DIS3L2: variants seen among roughly 807,000 people sequenced by gnomAD.
The protein encoded by DIS3L2 is DIS3-like exonuclease 2.
In DIS3L2, 34 loss-of-function variants were observed where a neutral mutation model predicts 97.5. That is an observed-to-expected ratio of 0.35 (90% CI 0.27 to 0.46). The LOEUF (loss-of-function observed/expected upper bound fraction) is 0.46, where lower values mean the gene tolerates loss of function less well. Among genes scored for constraint, DIS3L2 ranks in the 20% least tolerant of loss-of-function variants. The pLI, the probability that DIS3L2 is intolerant of heterozygous loss-of-function variation, is 1.00. For synonymous variants in DIS3L2, 435 were observed against 445.2 expected, an observed-to-expected ratio of 0.98 and a Z score of 0.29; for missense variants, 1,038 against 1,146.0, an observed-to-expected ratio of 0.91 and a Z score of 1.36.
intron 7 of DIS3L2, chr2:232,131,811 T>C (rs2106351111): frequency 6.6e-6 from 1 of 152,128 alleles, no homozygotes; most frequent in South Asian, 2.1e-4. Flanking sequence ...ATTTGAGTAC[T>C]AACTGTGCTC....
intron 12 of DIS3L2, among the ~76,000 whole-genome samples, chr2:232,261,644 C>T (rs182246313): frequency 6.6e-6 from 1 of 152,332 alleles, no homozygotes; most frequent in Admixed American, 6.5e-5. Context: ...TGCCTTAAAC[C>T]TTTGCAGTGT....
chr2:232,321,784 A>G (rs1695444035), intron 14 of DIS3L2, among the ~76,000 whole-genome samples: 1 of 152,142 alleles, frequency 6.6e-6, no homozygotes, highest in African/African-American at 2.4e-5. Flanking sequence ...GAGGCAAACA[A>G]GAGGCCCCCC....
chr2:232,089,036 A>G (rs1696753352), intron 6 of DIS3L2, among the ~76,000 whole-genome samples: 2 of 152,308 alleles, frequency 1.3e-5, no homozygotes, highest in South Asian at 4.2e-4. Flanking sequence ...TCAGCAGACA[A>G]CTCGTTTAGG....
At chr2:232,215,832 CCTGCTACTGGGAA>C (rs1350880018) in intron 10 of DIS3L2, among the ~76,000 whole-genome samples, 6 of 152,152 alleles carry the variant, frequency 3.9e-5, no homozygotes, top group Non-Finnish European at 7.4e-5. Context: ...AGTCACTGGA[CCTGCTACTGGGAA>C]GAAACGGGAC....
intron 5 of DIS3L2, among the ~76,000 whole-genome samples, chr2:232,061,365 C>T (rs1367991761): frequency 6.6e-6 from 1 of 152,198 alleles, no homozygotes; most frequent in African/African-American, 2.4e-5. Flanking sequence ...AGACATGTTT[C>T]TTGCGTGATT....
chr2:232,034,200 G>A (rs556306777), intron 5 of DIS3L2, among the ~76,000 whole-genome samples: 96 of 152,146 alleles, frequency 6.3e-4, no homozygotes, highest in Middle Eastern at 6.8e-3. Flanking sequence ...AGTCTTGGGA[G>A]GGTGTTTGGG....
In DIS3L2 at chr2:231,967,121, A is replaced by G. The variant is rs566629888; in HGVS notation, c.-94+5356A>G. ...GTAGGAAGGGACTTCATGTGGTGCA[A>G]AGTACCTTGAAATTATCTCTGATGA... is the stretch of plus-strand genomic sequence containing the variant. On this transcript the variant is annotated intron_variant, in intron 1 of 20. Transcript: ENST00000325385. Among the ~76,000 whole-genome samples the G allele has an allele frequency of 2.7e-4, 41 of 152,226 alleles. 1 individual carries two copies. The highest frequency in any genetic ancestry group is 9.6e-4 in the African/African-American group (40 of 41,530).
In DIS3L2 at chr2:232,024,330, G is replaced by A. The variant is rs887424420; in HGVS notation, c.264G>A (p.Pro88=). Residue 88 remains proline (P), a splice_region_variant and synonymous_variant, in exon 4 of 21, where the codon CCG becomes CCA. Transcript: ENST00000325385. The stretch of plus-strand genomic sequence containing the variant: ...TTCATGAAGCCTTCATTCCTTCCCC[G>A]GTAAGTTCAATAAATTTATAATAAA... ...KKFHEAFIPS[P]DGDRDIFIDG... is the part of the protein sequence containing the mutation. 3.1e-6 allele frequency: 5 copies of A among 1,595,542 alleles called. No individual in the cohort carries two copies. Among genetic ancestry groups the A allele is most frequent in the African/African-American group, 2.7e-5 (2 of 73,944 alleles).
chr2:231,962,144 C>G (rs139218741), intron 1 of DIS3L2, among the ~76,000 whole-genome samples: 7 of 152,076 alleles, frequency 4.6e-5, no homozygotes, highest in Admixed American at 6.5e-5. Context: ...GGGTCTTGAT[C>G]GAGATGTTCA....
Position 232,336,600 on chromosome 2 carries a change from C to T in DIS3L2, c.2628C>T (p.Asp876=), listed in dbSNP as rs760111036. ...LGPEKEEEES[D]GEPEDSSTS is the part of the protein sequence containing the mutation. ...CTGAGAAGGAGGAGGAGGAGTCTGA[C>T]GGTGAGCCCGAGGACTCAAGCACCA... The change falls in exon 21 of 21, where the codon GAC becomes GAT. Residue 876 remains aspartate (D), a synonymous_variant. Coordinates refer to ENST00000325385, the MANE Select transcript of DIS3L2 (RefSeq NM_152383.5). The T allele has an allele frequency of 1.5e-5, 24 of 1,607,116 alleles. No individual in the cohort carries two copies. Among genetic ancestry groups the T allele is most frequent in the East Asian group, 2.2e-5 (1 of 44,836 alleles).
intron 10 of DIS3L2, among the ~76,000 whole-genome samples, chr2:232,228,510 T>C (rs1457825376): frequency 6.6e-6 from 1 of 152,248 alleles, no homozygotes; most frequent in Non-Finnish European, 1.5e-5. Flanking sequence ...AAAATAGTTG[T>C]TTCCTGTTCA....
At chr2:232,148,978 A>G (rs571282988) in intron 8 of DIS3L2, among the ~76,000 whole-genome samples, 59 of 148,512 alleles carry the variant, frequency 4.0e-4, no homozygotes, top group African/African-American at 1.4e-3. Context: ...GACACTTAAA[A>G]TAAAACTTCT....
At chr2:232,009,894 C>T (rs1694149031) in intron 1 of DIS3L2, among the ~76,000 whole-genome samples, 1 of 152,142 alleles carries the variant, frequency 6.6e-6, no homozygotes, top group African/African-American at 2.4e-5. Context: ...ATTGGCTTTC[C>T]CTCCTTTTTT....
At chr2:232,169,544 G>A (rs1690923770) in intron 9 of DIS3L2, among the ~76,000 whole-genome samples, 3 of 152,114 alleles carry the variant, frequency 2.0e-5, no homozygotes, top group South Asian at 4.1e-4. Flanking sequence ...AAATGAGCAG[G>A]TATAGAGGGA....
intron 9 of DIS3L2, among the ~76,000 whole-genome samples, chr2:232,202,361 G>A (rs1426808265): frequency 6.6e-6 from 1 of 152,132 alleles, no homozygotes; most frequent in Non-Finnish European, 1.5e-5. Flanking sequence ...TTGCGCCACT[G>A]CACTCCAGCC....
At chr2:232,081,501 T>TCTTA (rs1364066125) in intron 5 of DIS3L2, among the ~76,000 whole-genome samples, 10 of 152,016 alleles carry the variant, frequency 6.6e-5, no homozygotes, top group African/African-American at 2.4e-4. Context: ...TTTTTTTCTT[T>TCTTA]CTTAATTTAA....
rs1274412867 is a variant in DIS3L2, at chr2:231,970,531, T to G, written c.-94+8766T>G. Among the ~76,000 whole-genome samples, 7 of 152,146 alleles carry G rather than the reference T, an allele frequency of 4.6e-5. No individual in the cohort carries two copies. The East Asian group carries it at 1.2e-3, about 25-fold the overall frequency. On this transcript the variant is annotated intron_variant, in intron 1 of 20. Transcript: ENST00000325385. ...CTAAGTATTTATGTATCTAGATGTA[T>G]CTATACATAGAAAAGGTACAGTAAA... is the stretch of plus-strand genomic sequence containing the variant.
chr2:232,315,831 A>G (rs35983534), intron 14 of DIS3L2, among the ~76,000 whole-genome samples: 34,871 of 152,042 alleles, frequency 0.23, 5,422 homozygotes, highest in East Asian at 0.48. Context: ...GCTGCTCTGA[A>G]AGCCCAACAC....
chr2:232,125,293 G>A (rs1698028135), intron 6 of DIS3L2, among the ~76,000 whole-genome samples: 1 of 152,230 alleles, frequency 6.6e-6, no homozygotes, highest in African/African-American at 2.4e-5. Flanking sequence ...CAACATAGGA[G>A]CGAGCTCCCT....
Sources: allele counts gnomAD v4.1 joint callset (sites outside exome capture counted in the v4.1 genomes callset), GRCh38; gene constraint gnomAD v4.1.1; transcripts MANE v1.5; gene names NCBI Gene and HGNC (gene_info 2026-07-23, HGNC 2026-07-21).